Variants in TRAPPC12 observed in about 807,000 individuals in gnomAD.
TRAPPC12 encodes the protein trafficking protein particle complex subunit 12.
In TRAPPC12, 61 loss-of-function variants were observed where a neutral mutation model predicts 69.2. The observed-to-expected ratio is 0.88, with a 90% CI of 0.72 to 1.09. TRAPPC12 has a LOEUF of 1.09. Among genes scored for constraint, TRAPPC12 ranks in the 50% least tolerant of loss-of-function variants. The pLI is 0.00. For missense variants in TRAPPC12, 1,101 were observed against 1,016.4 expected (o/e 1.08, Z -1.13); for synonymous variants, 469 against 438.9 (o/e 1.07, Z -0.86).
intron 3 of TRAPPC12, among the ~76,000 whole-genome samples, chr2:3,405,885 A>G (rs1661702264): frequency 6.6e-6 from 1 of 152,188 alleles, no homozygotes; most frequent in South Asian, 2.1e-4. Context: ...AACCCATGGC[A>G]GTGAAGTTTC....
intron 2 of TRAPPC12, among the ~76,000 whole-genome samples, chr2:3,390,241 A>T (rs921078506): frequency 1.3e-5 from 2 of 152,206 alleles, no homozygotes; most frequent in Admixed American, 1.3e-4. Context: ...TCCATTTATC[A>T]ATCATGATCT....
intron 2 of TRAPPC12, among the ~76,000 whole-genome samples, chr2:3,390,051 A>T (rs1469944946): frequency 1.3e-5 from 2 of 152,176 alleles, no homozygotes; most frequent in East Asian, 1.9e-4. Flanking sequence ...AGGGGTAATC[A>T]ATCAGAGGAA....
rs546238823 is a variant in TRAPPC12 at position 3,455,489 on chromosome 2, C to T, written c.1531-2132C>T. The T allele has an allele frequency of 2.7e-4, 41 of 152,222 alleles. 1 individual carries two copies. The highest frequency in any genetic ancestry group is 2.4e-3 in the Admixed American group (36 of 15,298). 9.4% of individuals were successfully genotyped at this position (152,222 alleles called of 1,614,324 possible). On this transcript the variant is annotated intron_variant, in intron 6 of 11. Transcript: ENST00000324266. ...TTTTTTTTTGTACCCATTACCATCCCCACTCCATCCCCCACTACTGTTCCC... is the reference window on the plus strand; with the variant it reads ...TTTTTTTTTGTACCCATTACCATCCTCACTCCATCCCCCACTACTGTTCCC...
intron 6 of TRAPPC12, among the ~76,000 whole-genome samples, chr2:3,452,824 GA>G (rs1664923768): frequency 6.6e-6 from 1 of 152,214 alleles, no homozygotes; most frequent in South Asian, 2.1e-4. Flanking sequence ...AAACCACAGG[GA>G]AAATCCGAGG....
intron 2 of TRAPPC12, among the ~76,000 whole-genome samples, chr2:3,399,817 C>A (rs1277942823): frequency 2.0e-5 from 3 of 147,026 alleles, no homozygotes; most frequent in Admixed American, 6.7e-5. Context: ...CTCCCCCCGC[C>A]ACCGCCCCGC....
Position 3,422,830 on chromosome 2 carries a change from C to G in TRAPPC12, c.1278+836C>G, listed in dbSNP as rs548249173. 2.0e-5 allele frequency among the ~76,000 whole-genome samples: 3 copies of G among 152,368 alleles called. No individual in the cohort carries two copies. The South Asian group carries it at 6.2e-4, about 32-fold the overall frequency. ...AACCCACCACCACCCACAGTTCGAGCTCTCATTGCAGTGTTGCTTTGGCCT... is the reference window on the plus strand; with the variant it reads ...AACCCACCACCACCCACAGTTCGAGGTCTCATTGCAGTGTTGCTTTGGCCT... On this transcript the variant is annotated intron_variant, in intron 4 of 11. Transcript: ENST00000324266.
At chr2:3,471,071 C>T (rs1188820026) in intron 9 of TRAPPC12, among the ~76,000 whole-genome samples, 2 of 152,172 alleles carry the variant, frequency 1.3e-5, no homozygotes, top group South Asian at 2.1e-4. Flanking sequence ...AACAGTTGCC[C>T]GGTCACACGA....
At position 3,432,217 on chromosome 2, in the gene TRAPPC12, G is replaced by A. The variant is rs374266907; in HGVS notation, c.1417+7554G>A. Reference sequence around the variant, plus strand: ...ATGTTTAGACTAAGTTACAAGAGCTGTAATGACGTCACAGGAAATGGTACT... The same window carrying A: ...ATGTTTAGACTAAGTTACAAGAGCTATAATGACGTCACAGGAAATGGTACT... On this transcript the variant is annotated intron_variant, in intron 5 of 11. Transcript: ENST00000324266. Among the ~76,000 whole-genome samples, 27 of 152,360 alleles carry A rather than the reference G, an allele frequency of 1.8e-4. No individual in the cohort carries two copies. The East Asian group carries it at 5.2e-3, about 29-fold the overall frequency.
At chr2:3,402,325 C>T (rs1661487768) in intron 3 of TRAPPC12, among the ~76,000 whole-genome samples, 1 of 152,178 alleles carries the variant, frequency 6.6e-6, no homozygotes, top group Admixed American at 6.5e-5. Flanking sequence ...GGCGCAGTGG[C>T]TCACACCTGT....
intron 9 of TRAPPC12, among the ~76,000 whole-genome samples, chr2:3,476,726 G>C (rs1666306390): frequency 6.6e-6 from 1 of 152,236 alleles, no homozygotes; most frequent in Admixed American, 6.5e-5. Flanking sequence ...CAGTCTAAGA[G>C]TTAACTAGGC....
intron 2 of TRAPPC12, among the ~76,000 whole-genome samples, chr2:3,390,639 C>T (rs996153493): frequency 7.2e-5 from 11 of 152,224 alleles, no homozygotes; most frequent in Non-Finnish European, 1.3e-4. Flanking sequence ...GAAACTATTC[C>T]GTGTGATACT....
In TRAPPC12 at chr2:3,388,599, C is replaced by T. The variant is rs1314883294; in HGVS notation, c.976C>T (p.Gln326Ter). Residue 326 changes from glutamine to a stop codon, truncating the protein, a stop_gained, in exon 2 of 12, where the codon CAG (glutamine) becomes TAG (stop). Transcript: ENST00000324266. LOFTEE classifies it high-confidence loss of function. ...TGGAGTCCTGCGGGCCGTGGCCACC[C>T]AGCAGCGCGGCGCCGTGTTCGTGGA... ...TRGVLRAVAT[Q>*]QRGAVFVDKE... is the part of the protein sequence containing the mutation. 2 of 1,608,968 alleles carry T rather than the reference C, an allele frequency of 1.2e-6. No individual in the cohort carries two copies. The highest frequency in any genetic ancestry group is 1.7e-6 in the Non-Finnish European group (2 of 1,177,694).
chr2:3,380,199 G>C (rs558325171), intron 1 of TRAPPC12, among the ~76,000 whole-genome samples: 3 of 152,062 alleles, frequency 2.0e-5, no homozygotes, highest in Admixed American at 1.3e-4. Flanking sequence ...GCGCCCAGGC[G>C]TCCCCGAGAC....
intron 6 of TRAPPC12, among the ~76,000 whole-genome samples, chr2:3,450,528 A>G (rs1395226423): frequency 6.6e-5 from 10 of 152,088 alleles, no homozygotes; most frequent in Admixed American, 3.9e-4. Context: ...TGCAAGTGAG[A>G]GCATTGCTGA....
intron 3 of TRAPPC12, among the ~76,000 whole-genome samples, chr2:3,409,960 T>C (rs1002561690): frequency 5.9e-5 from 9 of 152,136 alleles, no homozygotes; most frequent in Admixed American, 1.3e-4. Flanking sequence ...CCCCACTCCG[T>C]GTCCCCCAGC....
chr2:3,477,504 C>T (rs1666343040), intron 9 of TRAPPC12, among the ~76,000 whole-genome samples, 191 bp from the exon 10 acceptor site: 1 of 152,152 alleles, frequency 6.6e-6, no homozygotes, highest in Admixed American at 6.5e-5. Context: ...ACATATAGAA[C>T]ATTAACATTC....
At chr2:3,439,260 A>C (rs1664062454) in intron 5 of TRAPPC12, among the ~76,000 whole-genome samples, 1 of 152,136 alleles carries the variant, frequency 6.6e-6, no homozygotes. Flanking sequence ...ATGTCTGTTC[A>C]GATCTGTTGC....
intron 3 of TRAPPC12, among the ~76,000 whole-genome samples, chr2:3,415,532 T>C (rs973495234): frequency 1.3e-4 from 19 of 150,870 alleles, no homozygotes; most frequent in African/African-American, 4.6e-4. Context: ...GCCTCCCAAG[T>C]AGCTGGGATT....
chr2:3,419,723 G>T lies in TRAPPC12; in HGVS notation c.1165-2158G>T, dbSNP rs577260555. 2.6e-5 allele frequency among the ~76,000 whole-genome samples: 4 copies of T among 152,250 alleles called. No individual in the cohort carries two copies. The South Asian group carries it at 8.3e-4, about 32-fold the overall frequency. ...CCCTGCTAATATTTGCAGCTCGCTG[G>T]TGGGTGCCGTGGAGGCCAGTACTCA... On this transcript the variant is annotated intron_variant, in intron 3 of 11. Transcript: ENST00000324266.
Sources: allele counts gnomAD v4.1 joint callset (sites outside exome capture counted in the v4.1 genomes callset), GRCh38; gene constraint gnomAD v4.1.1; transcripts MANE v1.5; gene names NCBI Gene and HGNC (gene_info 2026-07-23, HGNC 2026-07-21).